The following BANP variants were observed in gnomAD, a reference collection of about 807,000 sequenced individuals.
The protein encoded by BANP is protein BANP.
In BANP, 11 loss-of-function variants were observed where a neutral mutation model predicts 68.1. That is an observed-to-expected ratio of 0.16 (90% confidence interval 0.10 to 0.27). The LOEUF is 0.27. Among genes scored for constraint, BANP ranks in the 10% least tolerant of loss-of-function variants. The pLI, the probability that BANP is intolerant of heterozygous loss-of-function variation, is 1.00. For synonymous variants in BANP, 329 were observed against 303.2 expected (o/e 1.09, Z -0.88); for missense variants, 504 against 722.7 (o/e 0.70, Z 3.47).
chr16:87,985,639 G>C lies in BANP; in HGVS notation c.362+1380G>C, dbSNP rs569608547. 4.6e-5 allele frequency among the ~76,000 whole-genome samples: 7 copies of C among 152,310 alleles called. No individual in the cohort carries two copies. The East Asian group carries it at 1.3e-3, about 29-fold the overall frequency. ...TGTCCTAGCTATAGAGAATGAATGT[G>C]ATAGTATTGTGTAATAAGACAACAC... On this transcript the variant is annotated intron_variant, in intron 4 of 13. Transcript: ENST00000682872.
chr16:87,980,940 A>G lies in BANP; in HGVS notation c.71-96A>G, dbSNP rs774803779. On this transcript the variant is annotated intron_variant, in intron 2 of 13. Transcript: ENST00000682872. Reference sequence around the variant, plus strand: ...GATAGGTTCTGCTGTTTCTCCTTCAACCTTAAGGTGTCAGCACTGTTTACT... The same window carrying G: ...GATAGGTTCTGCTGTTTCTCCTTCAGCCTTAAGGTGTCAGCACTGTTTACT... 3.4e-5 allele frequency: 27 copies of G among 798,084 alleles called. No homozygotes were observed. Among genetic ancestry groups the G allele is most frequent in the Middle Eastern group, 4.6e-4 (2 of 4,352 alleles). The allele number at this position is 798,084 out of a possible 1,614,324, so 49.4% of individuals were successfully genotyped here. A position where few individuals can be genotyped will look rare whatever the true frequency, so the allele number is the denominator to read the frequency against.
At position 88,003,845 on chromosome 16, in the gene BANP, G is replaced by A. The variant is rs188541051; in HGVS notation, c.363-450G>A. ...GTTTTGGAATGATACCAACACTTAC[G>A]TGGTTACGAACGTTAGATCTGTCCC... On this transcript the variant is annotated intron_variant, in intron 4 of 13. Coordinates refer to ENST00000682872, the MANE Select transcript of BANP (RefSeq NM_001386991.1). This position sits in a 1 kb window ranked among gnomAD's most constrained non-coding sequence, Gnocchi z 6.1. The A allele has an allele frequency of 3.0e-5, 9 of 298,742 alleles. No individual in the cohort carries two copies. The highest frequency in any genetic ancestry group is 1.2e-3 in the Middle Eastern group (1 of 844). The allele number at this position is 298,742 out of a possible 1,614,324, so 18.5% of individuals were successfully genotyped here. A position where few individuals can be genotyped will look rare whatever the true frequency, so the allele number is the denominator to read the frequency against.
At chr16:88,005,729 CT>C (rs2070839070) in intron 5 of BANP, among the ~76,000 whole-genome samples, 1 of 152,230 alleles carries the variant, frequency 6.6e-6, no homozygotes, top group Admixed American at 6.5e-5. Flanking sequence ...CACAGTTTTC[CT>C]CATTTAGTCT....
At chr16:87,996,997 T>C (rs12448626) in intron 4 of BANP, among the ~76,000 whole-genome samples, 6 of 152,086 alleles carry the variant, frequency 3.9e-5, no homozygotes, top group Non-Finnish European at 8.8e-5. Flanking sequence ...GGGGCCGCCA[T>C]GCCAGTTGCC....
chr16:88,040,690 G>A (rs2080549234), intron 11 of BANP, among the ~76,000 whole-genome samples: 1 of 152,218 alleles, frequency 6.6e-6, no homozygotes, highest in Admixed American at 6.5e-5. Context: ...ATGTGACACT[G>A]CAGATGGCTC....
chr16:87,969,684 C>G (rs555280643), intron 1 of BANP, among the ~76,000 whole-genome samples: 2 of 151,916 alleles, frequency 1.3e-5, no homozygotes, highest in Admixed American at 6.6e-5. Context: ...AGGCACGCGC[C>G]GCCATCCCCG....
chr16:87,991,240 AC>A (rs1419913357), intron 4 of BANP, among the ~76,000 whole-genome samples: 4 of 151,244 alleles, frequency 2.6e-5, no homozygotes, highest in Non-Finnish European at 5.9e-5. Context: ...GGTACAGTTT[AC>A]ATACCTACAA....
intron 11 of BANP, among the ~76,000 whole-genome samples, chr16:88,038,288 G>T (rs536869710): frequency 6.6e-6 from 1 of 152,300 alleles, no homozygotes; most frequent in South Asian, 2.1e-4. Context: ...AGGAATGGGG[G>T]CTCTCGCGGG....
intron 6 of BANP, among the ~76,000 whole-genome samples, chr16:88,010,385 C>T (rs1299162471): frequency 1.3e-5 from 2 of 152,104 alleles, no homozygotes; most frequent in Non-Finnish European, 2.9e-5. Flanking sequence ...TGAATTATTG[C>T]CAGGAATTGG....
chr16:87,981,841 C>G (rs2063337012), intron 3 of BANP, among the ~76,000 whole-genome samples: 1 of 152,224 alleles, frequency 6.6e-6, no homozygotes, highest in African/African-American at 2.4e-5. Flanking sequence ...TTCTTGGGAA[C>G]TGCTCATTCA....
chr16:87,954,204 C>G (rs889146452), intron 1 of BANP, among the ~76,000 whole-genome samples: 1 of 152,122 alleles, frequency 6.6e-6, no homozygotes, highest in African/African-American at 2.4e-5. Flanking sequence ...TATTCTCATT[C>G]TGGGAGAGGG....
intron 3 of BANP, 74 bp downstream of exon 3, chr16:87,981,201 A>G (rs1304089004): frequency 6.4e-6 from 7 of 1,097,602 alleles, no homozygotes; most frequent in Non-Finnish European, 6.9e-6. Flanking sequence ...AATCACCATC[A>G]ATGGGATGGC....
chr16:87,985,399 G>T (rs1377147988), intron 4 of BANP, among the ~76,000 whole-genome samples: 1 of 152,178 alleles, frequency 6.6e-6, no homozygotes, highest in Non-Finnish European at 1.5e-5. Context: ...TCACTCACGT[G>T]TCTCCCCCCA....
At chr16:87,978,888 C>T (rs1385480495) in intron 2 of BANP, among the ~76,000 whole-genome samples, 16 of 152,344 alleles carry the variant, frequency 1.1e-4, no homozygotes, top group South Asian at 4.1e-4. Context: ...ATAAGCAACT[C>T]GGCCCCAGCT....
In BANP at chr16:87,951,455, AG is replaced by A. The variant is rs1419333409; in HGVS notation, c.-127del. 6.6e-5 allele frequency: 10 copies of A among 151,998 alleles called. No individual in the cohort carries two copies. The East Asian group carries it at 2.0e-3, about 30-fold the overall frequency. 9.4% of individuals were successfully genotyped at this position (151,998 alleles called of 1,614,324 possible). On this transcript the variant is annotated 5_prime_UTR_variant, in exon 1 of 14. Coordinates refer to ENST00000682872, the MANE Select transcript of BANP (RefSeq NM_001386991.1). Reference sequence around the variant, plus strand: ...GCGCAGAGCGGCGGCTTCTCTCGCGAGGACGGACGCCATTATCGCATCTCCC... The same window carrying A: ...GCGCAGAGCGGCGGCTTCTCTCGCGAGACGGACGCCATTATCGCATCTCCC...
intron 13 of BANP, among the ~76,000 whole-genome samples, chr16:88,074,564 C>T (rs1373502088): frequency 6.6e-6 from 1 of 152,154 alleles, no homozygotes; most frequent in Non-Finnish European, 1.5e-5. Context: ...CAGGTCTGGC[C>T]ACTGTCCTTG....
intron 4 of BANP, among the ~76,000 whole-genome samples, chr16:87,992,373 G>T (rs1196755798): frequency 1.3e-5 from 2 of 152,288 alleles, no homozygotes; most frequent in East Asian, 3.9e-4. Context: ...CAACGGAGCT[G>T]GGAGGCTGCC....
chr16:88,073,729 G>A (rs578211042), intron 13 of BANP, among the ~76,000 whole-genome samples: 113 of 152,296 alleles, frequency 7.4e-4, no homozygotes, highest in African/African-American at 2.5e-3. Flanking sequence ...AGTGAGGTCC[G>A]CGCCCAGGAA....
At chr16:88,068,258 C>T (rs920141656) in intron 12 of BANP, among the ~76,000 whole-genome samples, 1 of 152,244 alleles carries the variant, frequency 6.6e-6, no homozygotes, top group South Asian at 2.1e-4. Context: ...TCGCCCCAGG[C>T]TTGGGTTTCC....
Sources: allele counts gnomAD v4.1 joint callset (sites outside exome capture counted in the v4.1 genomes callset), GRCh38; gene constraint gnomAD v4.1.1; non-coding constraint Gnocchi (gnomAD v3.1); transcripts MANE v1.5; gene names NCBI Gene and HGNC (gene_info 2026-07-23, HGNC 2026-07-21).